Variants in GABRB1 observed in about 807,000 individuals in gnomAD.
The protein encoded by GABRB1 is gamma-aminobutyric acid type A receptor subunit beta1.
In GABRB1, 17 loss-of-function variants were observed where a neutral mutation model predicts 51.6. That is an observed-to-expected ratio of 0.33 (90% CI 0.23 to 0.49). The LOEUF (loss-of-function observed/expected upper bound fraction) is 0.49. Ranked by LOEUF, GABRB1 falls within the 20% of genes least tolerant of loss-of-function variation. GABRB1 has a pLI of 0.99. For synonymous variants in GABRB1, 247 were observed against 218.9 expected (o/e 1.13, Z -1.14); for missense variants, 410 against 600.6 (o/e 0.68, Z 3.32).
chr4:47,120,693 TA>T (rs1715737216), intron 3 of GABRB1, among the ~76,000 whole-genome samples: 1 of 152,088 alleles, frequency 6.6e-6, no homozygotes, highest in Non-Finnish European at 1.5e-5. Context: ...CAACAGTTGA[TA>T]AATCATGCCA....
At chr4:47,134,173 G>T (rs967818443) in intron 3 of GABRB1, among the ~76,000 whole-genome samples, 9 of 152,090 alleles carry the variant, frequency 5.9e-5, no homozygotes, top group East Asian at 1.9e-4. Flanking sequence ...GCTACCAAAA[G>T]GTTGGCAATT....
chr4:47,145,929 C>T (rs746365626), intron 3 of GABRB1, among the ~76,000 whole-genome samples: 1 of 152,014 alleles, frequency 6.6e-6, no homozygotes, highest in Non-Finnish European at 1.5e-5. Context: ...TGCATCAGCA[C>T]AGCCTTTTTT....
chr4:47,213,213 T>G (rs149387659), intron 4 of GABRB1, among the ~76,000 whole-genome samples: 2,953 of 152,294 alleles, frequency 0.019, 41 homozygotes, highest in Non-Finnish European at 0.032. Flanking sequence ...GCTTAATTGA[T>G]TGTTTATATG....
Position 47,031,681 on chromosome 4 carries a change from G to A in GABRB1, c.30G>A (p.Leu10=). The change falls in exon 1 of 9, where the codon CTG becomes CTA. Residue 10 remains leucine (L), a synonymous_variant. Coordinates refer to ENST00000295454, the MANE Select transcript of GABRB1 (RefSeq NM_000812.4). ...GGACAGTACAAAATCGAGAGAGTCT[G>A]GGGCTTCTCTCTTTCCCTGTGATGA... MWTVQNRES[L]GLLSFPVMIT... is the part of the protein sequence containing the mutation. 1 of 1,613,778 alleles carries A rather than the reference G, an allele frequency of 6.2e-7. No homozygotes were observed.
intron 4 of GABRB1, among the ~76,000 whole-genome samples, chr4:47,278,020 C>G (rs1034699967): frequency 3.9e-5 from 6 of 151,998 alleles, no homozygotes; most frequent in East Asian, 1.9e-4. Flanking sequence ...ATAGCCCTGC[C>G]CTGAAGCCCC....
chr4:47,080,251 T>C (rs1305654231), intron 3 of GABRB1, among the ~76,000 whole-genome samples: 4 of 151,854 alleles, frequency 2.6e-5, no homozygotes, highest in Non-Finnish European at 5.9e-5. Flanking sequence ...GCATGCCTTG[T>C]TTAGAATAAA....
chr4:47,143,561 A>G (rs1336990099), intron 3 of GABRB1, among the ~76,000 whole-genome samples: 1 of 151,632 alleles, frequency 6.6e-6, no homozygotes, highest in Non-Finnish European at 1.5e-5. Flanking sequence ...AATTCTAGAA[A>G]TCGTGTGAGT....
chr4:47,071,685 C>T (rs148311296), intron 3 of GABRB1, among the ~76,000 whole-genome samples: 56 of 144,116 alleles, frequency 3.9e-4, no homozygotes, highest in African/African-American at 1.4e-3. Context: ...ATAGGAAATA[C>T]TAGCTTGCAT....
At chr4:47,350,803 C>T (rs1430597229) in intron 5 of GABRB1, among the ~76,000 whole-genome samples, 1 of 152,064 alleles carries the variant, frequency 6.6e-6, no homozygotes. Context: ...ATCTCATAAC[C>T]TGTGAACTGA....
At chr4:47,244,929 A>T (rs1300934091) in intron 4 of GABRB1, among the ~76,000 whole-genome samples, 1 of 152,228 alleles carries the variant, frequency 6.6e-6, no homozygotes. Context: ...ATTACAATTA[A>T]AACAACTAGA....
intron 3 of GABRB1, among the ~76,000 whole-genome samples, chr4:47,051,529 C>A (rs1476883352): frequency 6.6e-6 from 1 of 152,130 alleles, no homozygotes; most frequent in Non-Finnish European, 1.5e-5. Flanking sequence ...TGTAAAACAT[C>A]ATTGCTTCTC....
chr4:47,269,377 G>A (rs546485835), intron 4 of GABRB1, among the ~76,000 whole-genome samples: 43 of 152,238 alleles, frequency 2.8e-4, no homozygotes, highest in Admixed American at 2.1e-3. Flanking sequence ...ACATTGGGAC[G>A]TTTAACAAAA....
chr4:47,394,817 T>C (rs1035798121), intron 5 of GABRB1, among the ~76,000 whole-genome samples: 1 of 152,206 alleles, frequency 6.6e-6, no homozygotes, highest in African/African-American at 2.4e-5. Flanking sequence ...TTTGTTTTTA[T>C]CTCATGGGCA....
intron 4 of GABRB1, among the ~76,000 whole-genome samples, chr4:47,265,880 T>C (rs777180722): frequency 6.6e-6 from 1 of 152,160 alleles, no homozygotes; most frequent in Non-Finnish European, 1.5e-5. Flanking sequence ...CAAAACATTC[T>C]CTCTAATTTA....
chr4:47,180,119 C>T (rs1264397697), intron 4 of GABRB1, among the ~76,000 whole-genome samples: 3 of 151,834 alleles, frequency 2.0e-5, no homozygotes, highest in South Asian at 2.1e-4. Context: ...AGGCACTAGT[C>T]ACAATCTTTT....
At chr4:47,275,210 T>C (rs905360317) in intron 4 of GABRB1, among the ~76,000 whole-genome samples, 2 of 152,128 alleles carry the variant, frequency 1.3e-5, no homozygotes, top group Non-Finnish European at 2.9e-5. Flanking sequence ...GATAAGAAAA[T>C]GACAAAGAAG....
At chr4:47,329,881 G>T (rs556831316) in intron 5 of GABRB1, among the ~76,000 whole-genome samples, 2 of 152,036 alleles carry the variant, frequency 1.3e-5, no homozygotes, top group Admixed American at 1.3e-4. Flanking sequence ...GAGAAAGACA[G>T]ATTTATTATA....
intron 4 of GABRB1, among the ~76,000 whole-genome samples, chr4:47,189,651 C>T (rs532750007): frequency 5.9e-5 from 9 of 151,848 alleles, no homozygotes; most frequent in East Asian, 1.9e-4. Flanking sequence ...ATAGTTGATT[C>T]GCATTCCTAA....
intron 3 of GABRB1, among the ~76,000 whole-genome samples, chr4:47,084,006 A>G (rs1345986440): frequency 1.3e-5 from 2 of 152,186 alleles, no homozygotes; most frequent in Admixed American, 1.3e-4. Flanking sequence ...TGTAAAAGAA[A>G]ACAAAAATAA....
Sources: gnomAD v4.1 joint callset for allele counts (sites outside exome capture counted in the v4.1 genomes callset) on GRCh38, gnomAD v4.1.1 for gene constraint, MANE v1.5 for transcripts, NCBI Gene and HGNC (gene_info 2026-07-23, HGNC 2026-07-21) for gene names.